Variants in ELFN1 observed in about 807,000 individuals in gnomAD.
The protein encoded by ELFN1 is protein ELFN1.
Under a neutral mutation model 7.6 loss-of-function variants are expected in ELFN1, and 6 were observed. The observed-to-expected ratio is 0.79, with a 90% CI of 0.43 to 1.56. ELFN1 has a LOEUF of 1.56. Ranked by LOEUF, ELFN1 falls within the 40% of genes most tolerant of loss-of-function variation. The pLI is 0.01. For synonymous variants in ELFN1, 657 were observed against 588.1 expected (o/e 1.12, Z -1.70); for missense variants, 1,169 against 1,232.2 (o/e 0.95, Z 0.77).
At chr7:1,718,434 T>C (rs901029188) in intron 3 of ELFN1, among the ~76,000 whole-genome samples, 1 of 152,068 alleles carries the variant, frequency 6.6e-6, no homozygotes, top group South Asian at 2.1e-4. Flanking sequence ...GGAAGTAGCA[T>C]TGGGGGTGAC....
chr7:1,682,278 G>T (rs548205591), intron 1 of ELFN1, among the ~76,000 whole-genome samples: 2 of 152,068 alleles, frequency 1.3e-5, no homozygotes, highest in Admixed American at 1.3e-4. Flanking sequence ...TTTAGCTAAC[G>T]TCTGTATGGT....
At chr7:1,674,434 C>T (rs1327274709) in intron 1 of ELFN1, among the ~76,000 whole-genome samples, 1 of 152,294 alleles carries the variant, frequency 6.6e-6, no homozygotes, top group East Asian at 1.9e-4. Context: ...TTCCAGGCTC[C>T]CCTCGCCTGT....
chr7:1,714,492 C>G (rs949873609), intron 3 of ELFN1, among the ~76,000 whole-genome samples: 2 of 152,166 alleles, frequency 1.3e-5, no homozygotes, highest in Non-Finnish European at 2.9e-5. Flanking sequence ...ATTTATAGCA[C>G]TACTACAAAT....
intron 1 of ELFN1, among the ~76,000 whole-genome samples, chr7:1,671,741 GCCA>G (rs1257747503): frequency 1.3e-5 from 2 of 152,214 alleles, no homozygotes; most frequent in African/African-American, 4.8e-5. Flanking sequence ...CCCTGCCCCT[GCCA>G]CCTTTTAATT....
chr7:1,697,877 T>TGACTTCAAGTGATCCTCCC (rs1779351674), intron 2 of ELFN1, among the ~76,000 whole-genome samples: 1 of 152,178 alleles, frequency 6.6e-6, no homozygotes, highest in Admixed American at 6.5e-5. Flanking sequence ...CTTGAACTCC[T>TGACTTCAAGTGATCCTCCC]GACTTCAAGT....
chr7:1,734,244 T>C (rs1331994872), intron 3 of ELFN1, among the ~76,000 whole-genome samples: 1 of 152,078 alleles, frequency 6.6e-6, no homozygotes, highest in African/African-American at 2.4e-5. Flanking sequence ...GGACCAGTGT[T>C]CCTGGAGAGG....
At chr7:1,667,095 TC>T (rs1007905245), upstream of ELFN1, among the ~76,000 whole-genome samples, 1 of 151,004 alleles carries the variant, frequency 6.6e-6, no homozygotes, top group African/African-American at 2.4e-5. This position sits in a 1 kb window ranked among gnomAD's most constrained non-coding sequence, Gnocchi z 8.2. Flanking sequence ...CCTGCTTTCC[TC>T]CCATTTTCCC....
In ELFN1 at chr7:1,739,271, G is replaced by A. The variant is rs1420973347; in HGVS notation, c.-293-5033G>A. Reference sequence around the variant, plus strand: ...TACCTTGGGCGTCGTCCCCGCTGGAGGTGGGTTTGGGCGGTCGTGGTGGGA... The same window carrying A: ...TACCTTGGGCGTCGTCCCCGCTGGAAGTGGGTTTGGGCGGTCGTGGTGGGA... On this transcript the variant is annotated intron_variant, in intron 3 of 3. Coordinates refer to ENST00000424383, the MANE Select transcript of ELFN1 (RefSeq NM_001128636.4). The surrounding 1 kb of genome is among the most constrained non-coding windows in gnomAD (Gnocchi z 4.6). 1 of 152,400 alleles carries A rather than the reference G, an allele frequency of 6.6e-6. No individual in the cohort carries two copies. Among genetic ancestry groups the A allele is most frequent in the Non-Finnish European group, 1.5e-5 (1 of 68,188 alleles). The allele number at this position is 152,400 out of a possible 1,614,324, so 9.4% of individuals were successfully genotyped here.
chr7:1,725,916 C>T (rs945777272), intron 3 of ELFN1, among the ~76,000 whole-genome samples: 19 of 151,906 alleles, frequency 1.3e-4, no homozygotes, highest in African/African-American at 4.4e-4. Flanking sequence ...AAAAATCACA[C>T]ACAACACACC....
At chr7:1,667,394 G>A (rs1778687289), upstream of ELFN1, among the ~76,000 whole-genome samples, 1 of 152,156 alleles carries the variant, frequency 6.6e-6, no homozygotes, top group Non-Finnish European at 1.5e-5. This position sits in a 1 kb window ranked among gnomAD's most constrained non-coding sequence, Gnocchi z 8.2. Flanking sequence ...GCAGCTTCGG[G>A]GGTTGTGGAG....
intron 1 of ELFN1, among the ~76,000 whole-genome samples, chr7:1,683,547 CAGTT>C (rs914523150): frequency 2.8e-4 from 42 of 152,260 alleles, no homozygotes; most frequent in Middle Eastern, 3.4e-3. Flanking sequence ...CTATAAATGT[CAGTT>C]AGGTCAAGTT....
chr7:1,735,179 G>A lies in ELFN1; in HGVS notation c.-293-9125G>A, dbSNP rs921164284. On this transcript the variant is annotated intron_variant, in intron 3 of 3. Coordinates refer to ENST00000424383, the MANE Select transcript of ELFN1 (RefSeq NM_001128636.4). This position sits in a 1 kb window ranked among gnomAD's most constrained non-coding sequence, Gnocchi z 5.9. ...TGGGGAGGGGCTTTGCATGCGGGAG[G>A]TGCTGCACACCGGCGGACCGTCGAG... is the stretch of plus-strand genomic sequence containing the variant. Among the ~76,000 whole-genome samples, 6 of 152,134 alleles carry A rather than the reference G, an allele frequency of 3.9e-5. No individual in the cohort carries two copies. Among genetic ancestry groups the A allele is most frequent in the African/African-American group, 1.4e-4 (6 of 41,418 alleles).
chr7:1,731,851 T>C (rs1780331825), intron 3 of ELFN1, among the ~76,000 whole-genome samples: 1 of 152,194 alleles, frequency 6.6e-6, no homozygotes, highest in African/African-American at 2.4e-5. Context: ...GGTTTTGCCA[T>C]GTTGGCCAGG....
chr7:1,700,791 C>T (rs1779410206), intron 2 of ELFN1, among the ~76,000 whole-genome samples: 1 of 152,252 alleles, frequency 6.6e-6, no homozygotes, highest in African/African-American at 2.4e-5. Context: ...ATGCTTGAAG[C>T]CTCGCCGGTC....
chr7:1,667,491 C>T (rs1034248148), upstream of ELFN1, among the ~76,000 whole-genome samples: 7 of 152,138 alleles, frequency 4.6e-5, no homozygotes, highest in African/African-American at 1.7e-4. This position sits in a 1 kb window ranked among gnomAD's most constrained non-coding sequence, Gnocchi z 8.2. Context: ...CCCGGCGTCC[C>T]CCCTTCAGCG....
In ELFN1 at chr7:1,670,664, C is replaced by T. The variant is rs1778746691; in HGVS notation, c.-549+310C>T. 1.3e-5 allele frequency among the ~76,000 whole-genome samples: 2 copies of T among 152,212 alleles called. No homozygotes were observed. The highest frequency in any genetic ancestry group is 2.1e-4 in the South Asian group (1 of 4,834). On this transcript the variant is annotated intron_variant, in intron 1 of 3. Coordinates refer to ENST00000424383, the MANE Select transcript of ELFN1 (RefSeq NM_001128636.4). This position sits in a 1 kb window ranked among gnomAD's most constrained non-coding sequence, Gnocchi z 6.4. ...CTCCGAGAGGTCCCTTCCCCAGCGCCTCTCTCCCTTCCGTCCCCCTTCGCC... is the reference window on the plus strand; with the variant it reads ...CTCCGAGAGGTCCCTTCCCCAGCGCTTCTCTCCCTTCCGTCCCCCTTCGCC...
At chr7:1,703,175 G>A (rs1386884069) in intron 2 of ELFN1, among the ~76,000 whole-genome samples, 5 of 152,074 alleles carry the variant, frequency 3.3e-5, no homozygotes, top group African/African-American at 7.2e-5. Context: ...CATACGTTTC[G>A]TAACCACCTG....
intron 2 of ELFN1, among the ~76,000 whole-genome samples, chr7:1,706,206 C>T (rs1583340601): frequency 6.6e-6 from 1 of 152,170 alleles, no homozygotes; most frequent in Non-Finnish European, 1.5e-5. Context: ...GGGTGGATCA[C>T]GAGGTCAGGA....
At position 1,735,694 on chromosome 7, in the gene ELFN1, T is replaced by C. The variant is rs117862531; in HGVS notation, c.-293-8610T>C. Among the ~76,000 whole-genome samples the C allele has an allele frequency of 3.4e-4, 52 of 152,188 alleles. No homozygotes were observed. In the East Asian group the frequency reaches 9.9e-3, roughly 29 times the overall value. ...CTCTGTGGGCACCAGGTCCGGCAACTGTGCTGAAGGAAAACCCACATATGT... is the reference window on the plus strand; with the variant it reads ...CTCTGTGGGCACCAGGTCCGGCAACCGTGCTGAAGGAAAACCCACATATGT... On this transcript the variant is annotated intron_variant, in intron 3 of 3. Transcript: ENST00000424383. The surrounding 1 kb of genome is among the most constrained non-coding windows in gnomAD (Gnocchi z 5.9).
Sources: gnomAD v4.1 joint callset for allele counts (sites outside exome capture counted in the v4.1 genomes callset) on GRCh38, gnomAD v4.1.1 for gene constraint, Gnocchi (gnomAD v3.1) non-coding constraint, MANE v1.5 for transcripts, NCBI Gene and HGNC (gene_info 2026-07-23, HGNC 2026-07-21) for gene names.